SLC14A1: variants seen among roughly 807,000 people sequenced by gnomAD.
SLC14A1 encodes the protein solute carrier family 14 member 1 (Kidd blood group).
Under a neutral mutation model 39.6 loss-of-function variants are expected in SLC14A1, and 36 were observed. That is an observed-to-expected ratio of 0.91 (90% CI 0.70 to 1.20). SLC14A1 has a LOEUF of 1.20. Among genes scored for constraint, SLC14A1 ranks in the 50% most tolerant of loss-of-function variants. The pLI, the probability that SLC14A1 is intolerant of heterozygous loss-of-function variation, is 0.00. For missense variants in SLC14A1, 469 were observed against 478.7 expected (o/e 0.98, Z 0.19); for synonymous variants, 164 against 173.6 (o/e 0.94, Z 0.43).
Position 45,731,131 on chromosome 18 carries a change from C to T in SLC14A1, c.268C>T (p.Pro90Ser), listed in dbSNP as rs147790844. Residue 90 changes from proline to serine, a missense_variant, in exon 4 of 10, where the codon CCC becomes TCC. By Grantham distance (74) the Pro-to-Ser change is moderately conservative. Coordinates refer to ENST00000321925, the MANE Select transcript of SLC14A1 (RefSeq NM_015865.7). ...TCTGGTAGGACTTCTTGTTCAGAAC[C>T]CCTGGTGGGCTCTCACTGGCTGGCT... ...LILVGLLVQN[P>S]WWALTGWLGT... 7.4e-6 allele frequency: 12 copies of T among 1,614,006 alleles called. No individual in the cohort carries two copies. The African/African-American group carries it at 1.5e-4, about 20-fold the overall frequency.
At chr18:45,742,334 T>G (rs1256913557) in intron 8 of SLC14A1, among the ~76,000 whole-genome samples, 2 of 148,420 alleles carry the variant, frequency 1.3e-5, no homozygotes, top group Non-Finnish European at 3.0e-5. Context: ...CTGGGTTTTT[T>G]GTTGTTTTTT....
intron 8 of SLC14A1, among the ~76,000 whole-genome samples, chr18:45,742,609 C>T (rs566264307): frequency 7.3e-5 from 11 of 151,578 alleles, no homozygotes; most frequent in African/African-American, 1.9e-4. Context: ...CTGTCCACCC[C>T]GGCCTCCCAA....
intron 4 of SLC14A1, among the ~76,000 whole-genome samples, chr18:45,732,712 C>T (rs945967081): frequency 6.6e-6 from 1 of 152,154 alleles, no homozygotes; most frequent in African/African-American, 2.4e-5. Flanking sequence ...CTCACTTCAC[C>T]ATCTTTACTC....
rs983043548 is a variant in SLC14A1, at chr18:45,750,651, G to A, written c.*700G>A. ...GCAACTTTTCTCAGAGATTGCAAAGGATTTTTTAGGTAGAGATTATTTTTC... is the reference window on the plus strand; with the variant it reads ...GCAACTTTTCTCAGAGATTGCAAAGAATTTTTTAGGTAGAGATTATTTTTC... On this transcript the variant is annotated 3_prime_UTR_variant, in exon 10 of 10. Coordinates refer to ENST00000321925, the MANE Select transcript of SLC14A1 (RefSeq NM_015865.7). 1.0e-6 allele frequency: 1 copy of A among 985,546 alleles called. No homozygotes were observed. The highest frequency in any genetic ancestry group is 1.2e-6 in the Non-Finnish European group (1 of 830,172). 61.1% of individuals were successfully genotyped at this position (985,546 alleles called of 1,614,324 possible). A position where few individuals can be genotyped will look rare whatever the true frequency, so the allele number is the denominator to read the frequency against.
rs750118321 is a variant in SLC14A1, at chr18:45,727,459, G to A, written c.-22+2446G>A. 2.0e-6 allele frequency: 3 copies of A among 1,519,542 alleles called. No individual in the cohort carries two copies. In the South Asian group the frequency reaches 3.7e-5, roughly 19 times the overall value. 94.1% of individuals were successfully genotyped at this position (1,519,542 alleles called of 1,614,324 possible). The stretch of plus-strand genomic sequence containing the variant: ...GCAGCCTCTGGCTCGGGGAACCTGG[G>A]AGCCTGCTCCAAACTCTGGTGTATC... On this transcript the variant is annotated intron_variant, in intron 2 of 9. Transcript: ENST00000321925.
Position 45,743,390 on chromosome 18 carries a change from C to T in SLC14A1, c.946+3728C>T, listed in dbSNP as rs1315430553. ...CCATTATTCTTCCTACCACACTCAC[C>T]TTCCTTTGGATAGATTTTTTTTTTT... On this transcript the variant is annotated intron_variant, in intron 8 of 9. Transcript: ENST00000321925. Among the ~76,000 whole-genome samples the T allele has an allele frequency of 4.0e-5, 6 of 151,354 alleles. No homozygotes were observed. The East Asian group carries it at 1.2e-3, about 29-fold the overall frequency.
intron 4 of SLC14A1, chr18:45,731,643 G>A (rs2047033174): frequency 4.0e-6 from 1 of 249,944 alleles, no homozygotes; most frequent in South Asian, 5.5e-5. Context: ...CAGTGCAAAG[G>A]TCAGCTCAGC....
At chr18:45,725,894 G>T (rs530121650) in intron 2 of SLC14A1, among the ~76,000 whole-genome samples, 1 of 152,304 alleles carries the variant, frequency 6.6e-6, no homozygotes, top group Non-Finnish European at 1.5e-5. Context: ...GCTCAAGGAA[G>T]GGGTTCTCCA....
chr18:45,739,356 C>A (rs549232693), intron 7 of SLC14A1, 46 bp downstream of exon 7: 19 of 1,613,430 alleles, frequency 1.2e-5, no homozygotes, highest in Non-Finnish European at 1.4e-5. Flanking sequence ...TCCTCCATCC[C>A]ATGCATTGCC....
chr18:45,735,198 T>C (rs994385767), intron 5 of SLC14A1, among the ~76,000 whole-genome samples: 1 of 152,216 alleles, frequency 6.6e-6, no homozygotes, highest in Non-Finnish European at 1.5e-5. Context: ...CTCTAAAGTA[T>C]AGCCAAAGTT....
chr18:45,750,181 C>T lies in SLC14A1; in HGVS notation c.*230C>T. 1.4e-6 allele frequency: 2 copies of T among 1,425,604 alleles called. No homozygotes were observed. The highest frequency in any genetic ancestry group is 1.8e-6 in the Non-Finnish European group (2 of 1,094,996). The allele number at this position is 1,425,604 out of a possible 1,614,324, so 88.3% of individuals were successfully genotyped here. On this transcript the variant is annotated 3_prime_UTR_variant, in exon 10 of 10. Coordinates refer to ENST00000321925, the MANE Select transcript of SLC14A1 (RefSeq NM_015865.7). The stretch of plus-strand genomic sequence containing the variant: ...TGCTCTGGTATGGAATTTGAAACCC[C>T]AATGGGGCCTTGGCACTAAGACTGG...
chr18:45,742,678 A>ATGTTGT (rs28897969), intron 8 of SLC14A1, among the ~76,000 whole-genome samples: 14 of 149,988 alleles, frequency 9.3e-5, no homozygotes, highest in South Asian at 4.2e-4. Context: ...TTTTTGTTTT[A>ATGTTGT]TGTTGTTGTT....
At chr18:45,732,189 C>T (rs1258497407) in intron 4 of SLC14A1, among the ~76,000 whole-genome samples, 1 of 152,182 alleles carries the variant, frequency 6.6e-6, no homozygotes, top group Non-Finnish European at 1.5e-5. Context: ...ATTTAGAAGA[C>T]AAGTCATTTA....
At chr18:45,746,953 G>C (rs1482747225) in intron 8 of SLC14A1, among the ~76,000 whole-genome samples, 1 of 152,218 alleles carries the variant, frequency 6.6e-6, no homozygotes, top group Non-Finnish European at 1.5e-5. Flanking sequence ...TTTCCCACTA[G>C]TGTGAGACAA....
At chr18:45,745,473 C>G (rs969399436) in intron 8 of SLC14A1, among the ~76,000 whole-genome samples, 1 of 152,120 alleles carries the variant, frequency 6.6e-6, no homozygotes, top group African/African-American at 2.4e-5. Flanking sequence ...CTCCATTGCT[C>G]AAGGCTGTGG....
chr18:45,733,520 T>A (rs1410592196), intron 4 of SLC14A1, among the ~76,000 whole-genome samples: 1 of 152,188 alleles, frequency 6.6e-6, no homozygotes, highest in Non-Finnish European at 1.5e-5. Flanking sequence ...GAATCTTATA[T>A]CTCTCACCAA....
At chr18:45,729,845 A>G (rs1291346150) in intron 2 of SLC14A1, 2 of 152,732 alleles carry the variant, frequency 1.3e-5, no homozygotes, top group Non-Finnish European at 1.5e-5. Context: ...CTTGGCAAGT[A>G]GCTGATCAGC....
At chr18:45,749,177 G>A (rs1326121440) in intron 9 of SLC14A1, among the ~76,000 whole-genome samples, 1 of 151,934 alleles carries the variant, frequency 6.6e-6, no homozygotes, top group Non-Finnish European at 1.5e-5. Context: ...ATTCTGATGT[G>A]CAGTCAGATT....
At chr18:45,744,760 C>T (rs1330548198) in intron 8 of SLC14A1, among the ~76,000 whole-genome samples, 10 of 152,092 alleles carry the variant, frequency 6.6e-5, no homozygotes, top group Admixed American at 5.9e-4. Context: ...TTCCCCTCTC[C>T]TTCTGTGATT....
Sources: gnomAD v4.1 joint callset for allele counts (sites outside exome capture counted in the v4.1 genomes callset) on GRCh38, gnomAD v4.1.1 for gene constraint, MANE v1.5 for transcripts, NCBI Gene and HGNC (gene_info 2026-07-23, HGNC 2026-07-21) for gene names.